Variants in PTPN13 observed in about 807,000 individuals in gnomAD.
PTPN13 encodes the protein tyrosine-protein phosphatase non-receptor type 13.
Under a neutral mutation model 284.0 loss-of-function variants are expected in PTPN13, and 191 were observed. The ratio of observed to expected loss-of-function variants is 0.67; its 90% CI spans 0.60 to 0.76. The LOEUF (loss-of-function observed/expected upper bound fraction) is 0.76, where lower values mean the gene tolerates loss of function less well. PTPN13 is among the 30% of genes least tolerant of loss of function. The probability of loss-of-function intolerance (pLI) is 0.00; values close to 1 mark genes in which losing one functional copy is unlikely to be tolerated. For synonymous variants in PTPN13, 986 were observed against 1,022.3 expected (o/e 0.96, Z 0.68); for missense variants, 2,797 against 2,939.9 (o/e 0.95, Z 1.12).
At chr4:86,747,738 A>G (rs1468694218) in intron 17 of PTPN13, among the ~76,000 whole-genome samples, 1 of 152,248 alleles carries the variant, frequency 6.6e-6, no homozygotes, top group Non-Finnish European at 1.5e-5. Flanking sequence ...CCTTGCCCTC[A>G]AAAGTGAAAG....
chr4:86,735,781 A>G (rs767956480), intron 15 of PTPN13, 35 bp downstream of exon 15: 32 of 1,577,004 alleles, frequency 2.0e-5, no homozygotes, highest in South Asian at 8.2e-5. Flanking sequence ...TAAGCTTTGT[A>G]TCTTTTCCAA....
chr4:86,724,621 G>A (rs931474085), intron 10 of PTPN13, among the ~76,000 whole-genome samples: 8 of 152,162 alleles, frequency 5.3e-5, no homozygotes, highest in African/African-American at 1.9e-4. Context: ...TCTGAAAAGA[G>A]CTGGAGGTTA....
chr4:86,607,037 T>C (rs1162173509), intron 1 of PTPN13, among the ~76,000 whole-genome samples: 4 of 151,884 alleles, frequency 2.6e-5, no homozygotes, highest in Non-Finnish European at 5.9e-5. Context: ...TTAAACCTCT[T>C]AATCATATAA....
intron 40 of PTPN13, among the ~76,000 whole-genome samples, chr4:86,794,700 A>G (rs1320410590): frequency 2.6e-5 from 4 of 152,200 alleles, no homozygotes; most frequent in African/African-American, 7.2e-5. Flanking sequence ...CAAAACAGAT[A>G]TAAAGACCAA....
At chr4:86,696,302 A>G (rs1262769535) in intron 6 of PTPN13, among the ~76,000 whole-genome samples, 1 of 151,994 alleles carries the variant, frequency 6.6e-6, no homozygotes, top group Non-Finnish European at 1.5e-5. Context: ...TGTTGACTGA[A>G]CGAGAAAAGG....
intron 35 of PTPN13, among the ~76,000 whole-genome samples, chr4:86,776,103 G>A (rs986535757): frequency 6.6e-6 from 1 of 152,012 alleles, no homozygotes; most frequent in African/African-American, 2.4e-5. Flanking sequence ...CCGCCACCAC[G>A]CCAGGCTAAT....
chr4:86,790,961 G>T (rs1177680810), intron 40 of PTPN13, among the ~76,000 whole-genome samples: 1 of 152,136 alleles, frequency 6.6e-6, no homozygotes, highest in Non-Finnish European at 1.5e-5. Context: ...ATTTCCAACT[G>T]AGGTGCCTGG....
chr4:86,678,344 A>G (rs1728517230), intron 3 of PTPN13, among the ~76,000 whole-genome samples: 1 of 152,226 alleles, frequency 6.6e-6, no homozygotes, highest in African/African-American at 2.4e-5. Context: ...CTCAGAGGTC[A>G]AAGGAATAAG....
intron 46 of PTPN13, 72 bp downstream of exon 46, chr4:86,810,056 T>C: frequency 8.1e-7 from 1 of 1,230,684 alleles, no homozygotes. Context: ...TGATAATGTG[T>C]TGTGATCTTG....
rs61757792 is a variant in PTPN13 at position 86,753,030 on chromosome 4, G to A, written c.3188G>A (p.Gly1063Glu). Residue 1063 changes from glycine (G) to glutamate (E), a missense_variant, in exon 20 of 48, where the codon GGA becomes GAA. Coordinates refer to ENST00000411767, the MANE Select transcript of PTPN13 (RefSeq NM_080683.3). The stretch of plus-strand genomic sequence containing the variant: ...ACAGGAATGACTATGCATAGTTCTG[G>A]AAACTCTTCATCCCAAGTACCCTTA... ...YVLGMTMHSSGNSSSQVPLKE... is the reference protein window; with the variant it reads ...YVLGMTMHSSENSSSQVPLKE... The A allele has an allele frequency of 7.3e-3, 11,725 of 1,607,856 alleles. 105 individuals carry two copies. The highest frequency in any genetic ancestry group is 0.025 in the South Asian group (2,256 of 90,346).
rs899912787 is a variant in PTPN13, at chr4:86,635,488, T to C, written c.115+117T>C. ...CATTATTCCTGTGCCTTTGGCAGAG[T>C]ATGAAAGGAATACTTTCCTTATCTC... is the stretch of plus-strand genomic sequence containing the variant. On this transcript the variant is annotated intron_variant, in intron 2 of 47. Transcript: ENST00000411767. 5 of 1,415,696 alleles carry C rather than the reference T, an allele frequency of 3.5e-6. No homozygotes were observed. The Admixed American group carries it at 7.4e-5, about 21-fold the overall frequency. The allele number at this position is 1,415,696 out of a possible 1,614,324, so 87.7% of individuals were successfully genotyped here.
At chr4:86,632,817 T>C (rs577717752) in intron 1 of PTPN13, among the ~76,000 whole-genome samples, 1 of 152,184 alleles carries the variant, frequency 6.6e-6, no homozygotes, top group East Asian at 1.9e-4. Flanking sequence ...AAAAATTCTT[T>C]TTAGTTTTTT....
chr4:86,769,839 T>C lies in PTPN13; in HGVS notation c.4560T>C (p.Asn1520=). 1 of 1,613,800 alleles carries C rather than the reference T, an allele frequency of 6.2e-7. No homozygotes were observed. The highest frequency in any genetic ancestry group is 8.5e-7 in the Non-Finnish European group (1 of 1,179,732). ...GATTCAGTTTTTCTCGAGAAGATAA[T>C]CTTATACCGGAGCAAATTAATGCCA... ...GLGFSFSRED[N]LIPEQINASI... Residue 1520 remains asparagine (N), a synonymous_variant, in exon 29 of 48, where the codon AAT becomes AAC. Coordinates refer to ENST00000411767, the MANE Select transcript of PTPN13 (RefSeq NM_080683.3).
intron 2 of PTPN13, chr4:86,661,052 C>G (rs551399002): frequency 2.2e-6 from 1 of 446,358 alleles, no homozygotes; most frequent in African/African-American, 2.0e-5. Flanking sequence ...AATTGTACAG[C>G]CTGATTAATT....
intron 1 of PTPN13, among the ~76,000 whole-genome samples, chr4:86,600,520 C>T (rs80131064): frequency 0.055 from 6,837 of 124,818 alleles, 213 homozygotes; most frequent in Middle Eastern, 0.077. Context: ...TGAAAGAATG[C>T]TTGATGGAAT....
intron 4 of PTPN13, 52 bp from the exon 5 acceptor site, chr4:86,688,953 A>C: frequency 2.1e-6 from 3 of 1,424,830 alleles, no homozygotes; most frequent in Non-Finnish European, 2.9e-6. Flanking sequence ...GTCTCATTAG[A>C]AAAAATATTT....
chr4:86,679,048 T>G (rs72872209), intron 3 of PTPN13, among the ~76,000 whole-genome samples: 8,116 of 152,262 alleles, frequency 0.053, 301 homozygotes, highest in African/African-American at 0.085. Context: ...GGCCTTCAAG[T>G]TCGTACTGTA....
intron 35 of PTPN13, among the ~76,000 whole-genome samples, chr4:86,776,014 T>A (rs1228762889): frequency 6.6e-6 from 1 of 152,186 alleles, no homozygotes; most frequent in African/African-American, 2.4e-5. Flanking sequence ...GGTGCAATCT[T>A]GGCTCACTGC....
At chr4:86,657,762 T>C (rs1726022539) in intron 2 of PTPN13, among the ~76,000 whole-genome samples, 1 of 152,190 alleles carries the variant, frequency 6.6e-6, no homozygotes, top group South Asian at 2.1e-4. Context: ...AGAATGGGTC[T>C]AGAAACACCA....
Sources: gnomAD v4.1 joint callset for allele counts (sites outside exome capture counted in the v4.1 genomes callset) on GRCh38, gnomAD v4.1.1 for gene constraint, MANE v1.5 for transcripts, NCBI Gene and HGNC (gene_info 2026-07-23, HGNC 2026-07-21) for gene names.